The following MASP2 variants were observed in gnomAD, a reference collection of about 807,000 sequenced individuals.
MASP2 encodes the protein MBL associated serine protease 2.
Under a neutral mutation model 57.1 loss-of-function variants are expected in MASP2, and 49 were observed. That is an observed-to-expected ratio of 0.86 (90% CI 0.68 to 1.09). MASP2 has a LOEUF of 1.09. MASP2 is among the 50% of genes least tolerant of loss of function. The pLI, the probability that MASP2 is intolerant of heterozygous loss-of-function variation, is 0.00. For missense variants in MASP2, 900 were observed against 874.8 expected (o/e 1.03, Z -0.36); for synonymous variants, 379 against 340.8 (o/e 1.11, Z -1.24).
chr1:11,031,732 C>T (rs1309030918), intron 8 of MASP2, among the ~76,000 whole-genome samples: 1 of 151,440 alleles, frequency 6.6e-6, no homozygotes, highest in Admixed American at 6.6e-5. Flanking sequence ...AGTTCAGGAC[C>T]AGTCTGGGCA....
chr1:11,030,330 A>G, intron 9 of MASP2, 80 bp from the exon 10 acceptor site: 1 of 986,312 alleles, frequency 1.0e-6, no homozygotes, highest in Non-Finnish European at 1.6e-6. Flanking sequence ...CCCTTGAAAA[A>G]TGTTGATTCT....
At chr1:11,043,297 G>C in intron 5 of MASP2, 42 bp downstream of exon 5, 6 of 1,542,986 alleles carry the variant, frequency 3.9e-6, no homozygotes, top group Non-Finnish European at 5.3e-6. Flanking sequence ...GCTGGGCTGA[G>C]GGGGAGGATC....
chr1:11,035,476 G>A (rs937815832), intron 7 of MASP2, among the ~76,000 whole-genome samples: 6 of 152,004 alleles, frequency 3.9e-5, no homozygotes, highest in Non-Finnish European at 7.4e-5. Context: ...GCAGTGAGCC[G>A]ATATTGCAAC....
intron 4 of MASP2, 80 bp downstream of exon 4, chr1:11,045,328 C>A (rs72550869): frequency 6.2e-7 from 1 of 1,602,498 alleles, no homozygotes. Context: ...CTCCGCACCC[C>A]TGGGCAGAGC....
In MASP2 at chr1:11,046,871, C is replaced by T; in HGVS notation, c.234+20G>A. ...ACCCCCCGACCCTGAGAAACCCCAGCCCTCCCGTCCTGACGGCACCTTGAC... is the reference window on the plus strand; with the variant it reads ...ACCCCCCGACCCTGAGAAACCCCAGTCCTCCCGTCCTGACGGCACCTTGAC... On this transcript the variant is annotated intron_variant, in intron 2 of 10. Coordinates refer to ENST00000400897, the MANE Select transcript of MASP2 (RefSeq NM_006610.4). 1.9e-6 allele frequency: 3 copies of T among 1,555,344 alleles called. No individual in the cohort carries two copies. The highest frequency in any genetic ancestry group is 2.6e-6 in the Non-Finnish European group (3 of 1,148,598).
chr1:11,039,690 TGGTA>T (rs1336889054), intron 6 of MASP2, among the ~76,000 whole-genome samples: 1 of 144,812 alleles, frequency 6.9e-6, no homozygotes, highest in Non-Finnish European at 1.5e-5. Context: ...AGAATAGGAT[TGGTA>T]GGTAGAAGGA....
intron 10 of MASP2, among the ~76,000 whole-genome samples, chr1:11,028,696 GGTTTTTTTTCTTTTTT>G (rs1643781641): frequency 9.6e-6 from 1 of 104,634 alleles, no homozygotes; most frequent in African/African-American, 4.1e-5. Flanking sequence ...TATCTTTCTG[GGTTTTTTTTCTTTTTT>G]TTTTTTTTTT....
At chr1:11,033,051 G>A (rs915460600) in intron 8 of MASP2, among the ~76,000 whole-genome samples, 5 of 152,012 alleles carry the variant, frequency 3.3e-5, no homozygotes, top group Admixed American at 6.6e-5. Context: ...ATTGTCGGCC[G>A]GGCGCGGTGG....
chr1:11,046,880 C>A lies in MASP2; in HGVS notation c.234+11G>T, dbSNP rs138366658. 5.6e-5 allele frequency: 87 copies of A among 1,559,644 alleles called. No homozygotes were observed. The African/African-American group carries it at 1.1e-3, about 20-fold the overall frequency. ...CCCTGAGAAACCCCAGCCCTCCCGT[C>A]CTGACGGCACCTTGACGAAGTCGTA... On this transcript the variant is annotated intron_variant, in intron 2 of 10. Coordinates refer to ENST00000400897, the MANE Select transcript of MASP2 (RefSeq NM_006610.4).
At chr1:11,031,106 G>A (rs898550196) in intron 8 of MASP2, among the ~76,000 whole-genome samples, 8 of 152,092 alleles carry the variant, frequency 5.3e-5, no homozygotes, top group Admixed American at 5.2e-4. Flanking sequence ...GGCTGAGGTG[G>A]GAGGTAACTA....
chr1:11,039,616 TG>T (rs1283255540), intron 6 of MASP2, among the ~76,000 whole-genome samples: 1 of 106,620 alleles, frequency 9.4e-6, no homozygotes, highest in Non-Finnish European at 2.0e-5. Flanking sequence ...GATGGATGGA[TG>T]GATATATGGG....
Position 11,027,495 on chromosome 1 carries a change from G to A in MASP2, c.1451C>T (p.Ala484Val), listed in dbSNP as rs1202236725. The A allele has an allele frequency of 1.9e-6, 3 of 1,613,984 alleles. No individual in the cohort carries two copies. The highest frequency in any genetic ancestry group is 2.5e-6 in the Non-Finnish European group (3 of 1,180,020). ...YDNWVLTAAH[A>V]VYEQKHDASA... ...TGCATCATGTTTTTGCTCATAGACG[G>A]CATGAGCAGCTGTTAGGACCCAGTT... The change falls in exon 11 of 11, where the codon GCC (alanine) becomes GTC (valine). Residue 484 changes from alanine to valine, a missense_variant. By Grantham distance (64) the Ala-to-Val change is moderately conservative. Coordinates refer to ENST00000400897, the MANE Select transcript of MASP2 (RefSeq NM_006610.4).
chr1:11,033,965 A>ACACACACACACACTCT (rs1445746544), intron 8 of MASP2, among the ~76,000 whole-genome samples: 2 of 15,434 alleles, frequency 1.3e-4, no homozygotes, highest in African/African-American at 3.5e-4. Flanking sequence ...ACACACACAC[A>ACACACACACACACTCT]CTCTCTCTCT....
Position 11,034,924 on chromosome 1 carries a change from A to G in MASP2, c.1009-18T>C. On this transcript the variant is annotated intron_variant, in intron 7 of 10. Coordinates refer to ENST00000400897, the MANE Select transcript of MASP2 (RefSeq NM_006610.4). ...AAGTGACCCTAAAGAAGAATTCAGA[A>G]TATATTAATTTCCTTGTTTATATCA... is the stretch of plus-strand genomic sequence containing the variant. 1 of 1,554,166 alleles carries G rather than the reference A, an allele frequency of 6.4e-7. No individual in the cohort carries two copies. The highest frequency in any genetic ancestry group is 8.8e-7 in the Non-Finnish European group (1 of 1,131,592).
Position 11,046,705 on chromosome 1 carries a change from GTGGCCAGCACCT to G in MASP2, c.251_262del (p.Lys84_Ala87del), listed in dbSNP as rs759090720. ...GTCTGTGCTCTCCTGCCCGCACAGCGTGGCCAGCACCTTGGCCCCCGAGCTCAGCTGTGGGGT... is the reference window on the plus strand; with the variant it reads ...GTCTGTGCTCTCCTGCCCGCACAGCGTGGCCCCCGAGCTCAGCTGTGGGGT... On this transcript the variant is annotated inframe_deletion, in exon 3 of 11. Coordinates refer to ENST00000400897, the MANE Select transcript of MASP2 (RefSeq NM_006610.4). The G allele has an allele frequency of 6.2e-7, 1 of 1,613,238 alleles. No homozygotes were observed. The highest frequency in any genetic ancestry group is 1.7e-5 in the Admixed American group (1 of 60,016).
chr1:11,027,959 C>A (rs1181311224), intron 10 of MASP2, among the ~76,000 whole-genome samples: 2 of 152,152 alleles, frequency 1.3e-5, no homozygotes, highest in Non-Finnish European at 2.9e-5. Flanking sequence ...TGCAGTGTCA[C>A]ACCTGTAATC....
chr1:11,036,530 AAAAAAAAC>A (rs1638242194), intron 7 of MASP2, among the ~76,000 whole-genome samples: 1 of 141,816 alleles, frequency 7.1e-6, no homozygotes, highest in African/African-American at 2.8e-5. Context: ...AAAAAAAAAA[AAAAAAAAC>A]AAAAAAAAAA....
At chr1:11,035,345 G>A (rs1478241211) in intron 7 of MASP2, among the ~76,000 whole-genome samples, 1 of 152,186 alleles carries the variant, frequency 6.6e-6, no homozygotes, top group African/African-American at 2.4e-5. Context: ...CCAGCATGGT[G>A]AAACCCTGTC....
chr1:11,046,474 G>C (rs746974965), intron 3 of MASP2, 82 bp downstream of exon 3: 11 of 1,505,922 alleles, frequency 7.3e-6, no homozygotes, highest in Non-Finnish European at 1.0e-5. Context: ...GAAACTGAAG[G>C]CAGGGCTGCC....
Sources: allele counts gnomAD v4.1 joint callset (sites outside exome capture counted in the v4.1 genomes callset), GRCh38; gene constraint gnomAD v4.1.1; transcripts MANE v1.5; gene names NCBI Gene and HGNC (gene_info 2026-07-23, HGNC 2026-07-21).